KCNQ5: variants seen among roughly 807,000 people sequenced by gnomAD.
The protein encoded by KCNQ5 is potassium voltage-gated channel subfamily Q member 5.
In KCNQ5, 30 loss-of-function variants were observed where a neutral mutation model predicts 98.2. The ratio of observed to expected loss-of-function variants is 0.31; its 90% CI spans 0.23 to 0.41. The LOEUF is 0.41. Ranked by LOEUF, KCNQ5 falls within the 10% of genes least tolerant of loss-of-function variation. The pLI, the probability that KCNQ5 is intolerant of heterozygous loss-of-function variation, is 1.00. For synonymous variants in KCNQ5, 458 were observed against 449.4 expected, an observed-to-expected ratio of 1.02 and a Z score of -0.24; for missense variants, 835 against 1,182.5, an observed-to-expected ratio of 0.71 and a Z score of 4.31.
chr6:73,165,147 C>T (rs1777745354), intron 10 of KCNQ5, among the ~76,000 whole-genome samples: 1 of 151,934 alleles, frequency 6.6e-6, no homozygotes, highest in Admixed American at 6.6e-5. Flanking sequence ...CCATGCCTGG[C>T]TTTTTTTATT....
At chr6:73,181,663 TATC>T (rs1469070148) in intron 11 of KCNQ5, among the ~76,000 whole-genome samples, 2 of 152,230 alleles carry the variant, frequency 1.3e-5, no homozygotes, top group East Asian at 1.9e-4. Context: ...AAAACAATCA[TATC>T]ATATCAAAGT....
intron 3 of KCNQ5, among the ~76,000 whole-genome samples, chr6:73,067,559 T>G (rs1773108683): frequency 6.6e-6 from 1 of 152,116 alleles, no homozygotes; most frequent in Admixed American, 6.5e-5. Context: ...AGGACAGAAC[T>G]AGAAATACCT....
At chr6:72,806,748 A>G (rs1429665310) in intron 1 of KCNQ5, 105 of 440,178 alleles carry the variant, frequency 2.4e-4, no homozygotes, top group South Asian at 4.2e-4. Context: ...TGCAGTACTG[A>G]GTTCCCATTC....
chr6:73,175,155 G>GTT (rs765426862), intron 11 of KCNQ5, among the ~76,000 whole-genome samples: 23 of 146,558 alleles, frequency 1.6e-4, no homozygotes, highest in African/African-American at 5.2e-4. Context: ...TGGAAGAGCA[G>GTT]TTTTTTTTTT....
In KCNQ5 at chr6:73,103,253, G is replaced by A. The variant is rs530961904; in HGVS notation, c.919-2004G>A. Among the ~76,000 whole-genome samples the A allele has an allele frequency of 1.5e-3, 227 of 152,152 alleles. 1 individual carries two copies. The highest frequency in any genetic ancestry group is 5.2e-3 in the African/African-American group (217 of 41,520). ...TATTTGTGGAAACTAAGAATTAACA[G>A]TTAAGGATTAAGAAAATGTGGCACA... is the stretch of plus-strand genomic sequence containing the variant. On this transcript the variant is annotated intron_variant, in intron 5 of 13. Transcript: ENST00000370398.
chr6:72,994,787 A>G (rs1435179277), intron 1 of KCNQ5, among the ~76,000 whole-genome samples: 1 of 152,184 alleles, frequency 6.6e-6, no homozygotes, highest in Non-Finnish European at 1.5e-5. Flanking sequence ...ATAAGTTCAT[A>G]TTTTTGCATC....
At chr6:73,119,753 T>G (rs1245640880) in intron 7 of KCNQ5, among the ~76,000 whole-genome samples, 1 of 152,216 alleles carries the variant, frequency 6.6e-6, no homozygotes, top group Non-Finnish European at 1.5e-5. Context: ...TATCAAATAT[T>G]GATTAAAGAT....
chr6:73,100,032 CAA>C (rs1774694462), intron 5 of KCNQ5, among the ~76,000 whole-genome samples: 1 of 152,092 alleles, frequency 6.6e-6, no homozygotes. Flanking sequence ...AAATCAGTAA[CAA>C]GAGAAAATTT....
At chr6:72,925,279 G>GGAA (rs1345089884) in intron 1 of KCNQ5, among the ~76,000 whole-genome samples, 1 of 152,148 alleles carries the variant, frequency 6.6e-6, no homozygotes, top group Non-Finnish European at 1.5e-5. Context: ...AAATCTAGAT[G>GGAA]AGCTTACAGA....
At chr6:72,955,535 C>T (rs974718101) in intron 1 of KCNQ5, among the ~76,000 whole-genome samples, 2 of 152,044 alleles carry the variant, frequency 1.3e-5, no homozygotes, top group Non-Finnish European at 2.9e-5. Context: ...AACTTTGTGC[C>T]TCTAATTAAA....
chr6:73,164,611 G>C (rs1777725764), intron 10 of KCNQ5, among the ~76,000 whole-genome samples: 1 of 152,110 alleles, frequency 6.6e-6, no homozygotes, highest in Non-Finnish European at 1.5e-5. Flanking sequence ...GATGTTCGCA[G>C]GTTCATTTAT....
chr6:73,009,838 C>T (rs1327860315), intron 2 of KCNQ5, among the ~76,000 whole-genome samples: 1 of 151,966 alleles, frequency 6.6e-6, no homozygotes, highest in Non-Finnish European at 1.5e-5. Context: ...GAAATAGAAA[C>T]CGAATAGTGC....
intron 1 of KCNQ5, among the ~76,000 whole-genome samples, chr6:72,921,919 A>G (rs1045795600): frequency 6.6e-6 from 1 of 152,210 alleles, no homozygotes; most frequent in African/African-American, 2.4e-5. Context: ...AAGGATGTAA[A>G]GAAAAATTTA....
intron 1 of KCNQ5, among the ~76,000 whole-genome samples, chr6:72,635,891 C>G (rs1321785382): frequency 6.6e-6 from 1 of 151,752 alleles, no homozygotes; most frequent in East Asian, 1.9e-4. Flanking sequence ...TTAATAGAGA[C>G]TTCTAGAAAA....
chr6:72,987,542 G>C (rs60061207), intron 1 of KCNQ5: 34,003 of 656,726 alleles, frequency 0.052, 1,975 homozygotes, highest in African/African-American at 0.23. Flanking sequence ...TCCAAGCCCC[G>C]CAGCACGATT....
rs191244335 is a variant in KCNQ5 at position 72,670,406 on chromosome 6, C to T, written c.398+47819C>T. Among the ~76,000 whole-genome samples the T allele has an allele frequency of 5.3e-5, 8 of 152,276 alleles. No individual in the cohort carries two copies. In the South Asian group the frequency reaches 6.2e-4, roughly 12 times the overall value. Reference sequence around the variant, plus strand: ...TCTTAGCTTTTTCTAGCATGTACCTCCAGCTCTTGCAGCCTCTACCCATCA... The same window carrying T: ...TCTTAGCTTTTTCTAGCATGTACCTTCAGCTCTTGCAGCCTCTACCCATCA... On this transcript the variant is annotated intron_variant, in intron 1 of 13. Coordinates refer to ENST00000370398, the MANE Select transcript of KCNQ5 (RefSeq NM_019842.4).
chr6:72,806,994 T>G, intron 1 of KCNQ5: 2 of 255,310 alleles, frequency 7.8e-6, no homozygotes, highest in South Asian at 7.1e-5. Context: ...ATATGTTGCA[T>G]TTCTCATGGA....
chr6:72,922,566 T>A (rs1239316578), intron 1 of KCNQ5, among the ~76,000 whole-genome samples: 3 of 152,076 alleles, frequency 2.0e-5, no homozygotes, highest in Non-Finnish European at 4.4e-5. Context: ...TCTCCCCATA[T>A]CCCTCTCACC....
At chr6:72,834,133 A>T (rs1308448599) in intron 1 of KCNQ5, among the ~76,000 whole-genome samples, 1 of 152,108 alleles carries the variant, frequency 6.6e-6, no homozygotes, top group Non-Finnish European at 1.5e-5. Flanking sequence ...AAGCAAAATG[A>T]CAAAATGTGA....
Sources: gnomAD v4.1 joint callset for allele counts (sites outside exome capture counted in the v4.1 genomes callset) on GRCh38, gnomAD v4.1.1 for gene constraint, MANE v1.5 for transcripts, NCBI Gene and HGNC (gene_info 2026-07-23, HGNC 2026-07-21) for gene names.